PPFIA2: variants seen among roughly 807,000 people sequenced by gnomAD.
The protein encoded by PPFIA2 is liprin-alpha-2.
PPFIA2 carries 46 observed loss-of-function variants against 175.5 expected under a neutral mutation model. That is an observed-to-expected ratio of 0.26 (90% CI 0.21 to 0.34). PPFIA2 has a LOEUF of 0.34. Among genes scored for constraint, PPFIA2 ranks in the 10% least tolerant of loss-of-function variants. The pLI, the probability that PPFIA2 is intolerant of heterozygous loss-of-function variation, is 1.00. For missense variants in PPFIA2, 1,179 were observed against 1,506.1 expected (o/e 0.78, Z 3.60); for synonymous variants, 568 against 511.4 (o/e 1.11, Z -1.49).
chr12:81,358,236 A>G lies in PPFIA2; in HGVS notation c.1638-19T>C. ...ATGAGTTCTGGAAAAAAGGAAAAAT[A>G]TAAAATAATCCAATCTCAAAAATTA... On this transcript the variant is annotated intron_variant, in intron 15 of 32. Coordinates refer to ENST00000549396, the MANE Select transcript of PPFIA2 (RefSeq NM_003625.5). The G allele has an allele frequency of 1.3e-6, 2 of 1,552,854 alleles. No homozygotes were observed. The highest frequency in any genetic ancestry group is 1.7e-6 in the Non-Finnish European group (2 of 1,149,184).
chr12:81,282,842 A>T (rs1489137008), intron 26 of PPFIA2, 168 bp downstream of exon 26: 2 of 460,378 alleles, frequency 4.3e-6, no homozygotes, highest in Non-Finnish European at 7.8e-6. Context: ...ATGGTAACTT[A>T]AAAAGACATA....
chr12:81,651,992 C>T (rs978237846), intron 4 of PPFIA2, among the ~76,000 whole-genome samples: 2 of 151,580 alleles, frequency 1.3e-5, no homozygotes, highest in Non-Finnish European at 2.9e-5. Context: ...TAACAAGATG[C>T]GACCGTAGGC....
Position 81,500,493 on chromosome 12 carries a change from G to A in PPFIA2, c.304-42627C>T, listed in dbSNP as rs1391003127. Among the ~76,000 whole-genome samples the A allele has an allele frequency of 2.6e-5, 4 of 152,258 alleles. No individual in the cohort carries two copies. The South Asian group carries it at 6.2e-4, about 24-fold the overall frequency. ...ATTTGGAGAGTTTCCAGAGCAAAGG[G>A]CACAGATCCCAGGCATAACAACGCT... is the stretch of plus-strand genomic sequence containing the variant. On this transcript the variant is annotated intron_variant, in intron 4 of 32. Transcript: ENST00000549396.
At chr12:81,595,238 A>T (rs1011139940) in intron 4 of PPFIA2, among the ~76,000 whole-genome samples, 2 of 147,454 alleles carry the variant, frequency 1.4e-5, no homozygotes, top group Admixed American at 1.4e-4. Context: ...CACTGTGTTT[A>T]TATATATATA....
Position 81,734,345 on chromosome 12 carries a change from T to C in PPFIA2, c.249+19628A>G, listed in dbSNP as rs1362756390. Among the ~76,000 whole-genome samples, 3 of 151,828 alleles carry C rather than the reference T, an allele frequency of 2.0e-5. No homozygotes were observed. The South Asian group carries it at 6.2e-4, about 32-fold the overall frequency. On this transcript the variant is annotated intron_variant, in intron 3 of 32. Transcript: ENST00000549396. ...TTACATTGCATTTGCAGAAAAAAAATGCATACAATCACACTAAGCAAGCCA... is the reference window on the plus strand; with the variant it reads ...TTACATTGCATTTGCAGAAAAAAAACGCATACAATCACACTAAGCAAGCCA...
chr12:81,518,837 T>C (rs2147998957), intron 4 of PPFIA2, among the ~76,000 whole-genome samples: 2 of 152,282 alleles, frequency 1.3e-5, no homozygotes, highest in African/African-American at 4.8e-5. Flanking sequence ...TCAATAAATA[T>C]TTACTGAGTA....
At chr12:81,422,202 C>T (rs1487221961) in intron 7 of PPFIA2, among the ~76,000 whole-genome samples, 3 of 147,898 alleles carry the variant, frequency 2.0e-5, no homozygotes, top group African/African-American at 2.5e-5. Context: ...CAGATGAAAA[C>T]GAGAAACAAG....
At chr12:81,720,545 C>T (rs1352296429) in intron 3 of PPFIA2, among the ~76,000 whole-genome samples, 4 of 151,352 alleles carry the variant, frequency 2.6e-5, no homozygotes, top group African/African-American at 7.3e-5. Context: ...GTCTTCAATA[C>T]ACAATAGGAC....
At chr12:81,608,093 C>T (rs146030845) in intron 4 of PPFIA2, among the ~76,000 whole-genome samples, 5 of 152,038 alleles carry the variant, frequency 3.3e-5, no homozygotes, top group Non-Finnish European at 7.4e-5. Context: ...TGATGAATCA[C>T]ATTTACTCAT....
intron 30 of PPFIA2, among the ~76,000 whole-genome samples, chr12:81,265,044 G>A (rs983068758): frequency 2.0e-5 from 3 of 151,456 alleles, no homozygotes; most frequent in Admixed American, 2.0e-4. Flanking sequence ...TGTAATCCCA[G>A]CATTTTGGGA....
At chr12:81,488,855 C>A (rs2059127439) in intron 4 of PPFIA2, among the ~76,000 whole-genome samples, 1 of 151,702 alleles carries the variant, frequency 6.6e-6, no homozygotes, top group Non-Finnish European at 1.5e-5. Flanking sequence ...TTCATTTTAA[C>A]CTTCTCACAA....
chr12:81,280,571 G>T (rs2041854418), intron 27 of PPFIA2, among the ~76,000 whole-genome samples: 1 of 151,786 alleles, frequency 6.6e-6, no homozygotes, highest in Non-Finnish European at 1.5e-5. Flanking sequence ...AACTTTATGT[G>T]AAAAAAACAA....
intron 3 of PPFIA2, among the ~76,000 whole-genome samples, chr12:81,721,203 A>G (rs779712832): frequency 9.3e-5 from 14 of 151,272 alleles, no homozygotes; most frequent in Non-Finnish European, 1.9e-4. Context: ...GAAAGGGCCA[A>G]CTGTGGAGAA....
chr12:81,445,447 T>G (rs1179281204), intron 6 of PPFIA2, 109 bp downstream of exon 6: 1 of 985,414 alleles, frequency 1.0e-6, no homozygotes, highest in East Asian at 2.5e-5. Context: ...TCAAAAGTGT[T>G]CCTCAACTGA....
At position 81,746,770 on chromosome 12, in the gene PPFIA2, G is replaced by A. The variant is rs1156660102; in HGVS notation, c.249+7203C>T. 7.7e-5 allele frequency among the ~76,000 whole-genome samples: 11 copies of A among 143,578 alleles called. 1 individual carries two copies. Among genetic ancestry groups the A allele is most frequent in the South Asian group, 2.3e-4 (1 of 4,412 alleles). 94.2% of individuals were successfully genotyped at this position (143,578 alleles called of 152,430 possible). ...AGAGATAAATATTCATATACCAGAA[G>A]GGCAATGCTTAAGACTGGAGAATGT... On this transcript the variant is annotated intron_variant, in intron 3 of 32. Coordinates refer to ENST00000549396, the MANE Select transcript of PPFIA2 (RefSeq NM_003625.5).
At chr12:81,433,805 T>C (rs1245175463) in intron 7 of PPFIA2, among the ~76,000 whole-genome samples, 1 of 152,162 alleles carries the variant, frequency 6.6e-6, no homozygotes, top group Non-Finnish European at 1.5e-5. Flanking sequence ...AGAGATGAAG[T>C]CTATTTCTCA....
At chr12:81,652,587 TC>T (rs996997352) in intron 4 of PPFIA2, among the ~76,000 whole-genome samples, 2 of 152,048 alleles carry the variant, frequency 1.3e-5, no homozygotes, top group Non-Finnish European at 2.9e-5. Flanking sequence ...GTTCCCCACC[TC>T]CCCGTCTTTC....
intron 27 of PPFIA2, 137 bp from the exon 28 acceptor site, chr12:81,277,551 C>A (rs1019130999): frequency 1.1e-6 from 1 of 904,954 alleles, no homozygotes; most frequent in Non-Finnish European, 1.5e-6. Flanking sequence ...GCAGCCAAAT[C>A]CTTCAGTATT....
chr12:81,683,629 C>T lies in PPFIA2; in HGVS notation c.250-6785G>A, dbSNP rs140971297. ...TGTCCTGCCTTCTCAGACACAATGG[C>T]GTCCTTATTATTCCAAAAAATATTC... is the stretch of plus-strand genomic sequence containing the variant. On this transcript the variant is annotated intron_variant, in intron 3 of 32. Transcript: ENST00000549396. 5.4e-3 allele frequency among the ~76,000 whole-genome samples: 823 copies of T among 152,068 alleles called. 10 individuals are homozygous for T. The highest frequency in any genetic ancestry group is 0.018 in the African/African-American group (736 of 41,516).
Sources: allele counts gnomAD v4.1 joint callset (sites outside exome capture counted in the v4.1 genomes callset), GRCh38; gene constraint gnomAD v4.1.1; transcripts MANE v1.5; gene names NCBI Gene and HGNC (gene_info 2026-07-23, HGNC 2026-07-21).